SNCAIP: variants seen among roughly 807,000 people sequenced by gnomAD.
The protein encoded by SNCAIP is synphilin-1.
SNCAIP carries 43 observed loss-of-function variants against 86.7 expected under a neutral mutation model. The observed-to-expected ratio is 0.50, with a 90% CI of 0.39 to 0.64. The LOEUF (loss-of-function observed/expected upper bound fraction) is 0.64. Ranked by LOEUF, SNCAIP falls within the 30% of genes least tolerant of loss-of-function variation. SNCAIP has a pLI of 0.00. For synonymous variants in SNCAIP, 417 were observed against 427.2 expected, an observed-to-expected ratio of 0.98 and a Z score of 0.29; for missense variants, 981 against 1,103.1, an observed-to-expected ratio of 0.89 and a Z score of 1.57.
rs368537390 is a variant in SNCAIP at position 122,399,215 on chromosome 5, G to A, written c.58-4578G>A. Among the ~76,000 whole-genome samples the A allele has an allele frequency of 2.3e-3, 345 of 152,242 alleles. 7 individuals carry two copies. The South Asian group carries it at 0.066, about 29-fold the overall frequency. On this transcript the variant is annotated intron_variant, in intron 2 of 10. Coordinates refer to ENST00000261368, the MANE Select transcript of SNCAIP (RefSeq NM_005460.4). ...GAGGGAAGCTCTGAGGGCACACTTAGAAAACAGGATAAAGAGAAGAGACAG... is the reference window on the plus strand; with the variant it reads ...GAGGGAAGCTCTGAGGGCACACTTAAAAAACAGGATAAAGAGAAGAGACAG...
intron 1 of SNCAIP, among the ~76,000 whole-genome samples, chr5:122,350,537 T>G (rs1304518164): frequency 6.6e-6 from 1 of 151,804 alleles, no homozygotes; most frequent in Non-Finnish European, 1.5e-5. Context: ...TTTTAATCAA[T>G]GTTGATTACT....
At chr5:122,382,094 G>T (rs564249392) in intron 1 of SNCAIP, among the ~76,000 whole-genome samples, 59 of 152,218 alleles carry the variant, frequency 3.9e-4, no homozygotes, top group African/African-American at 1.3e-3. Context: ...GGCCTTTCTT[G>T]CTAGGTTGGG....
rs1171024990 is a variant in SNCAIP at position 122,423,143 on chromosome 5, C to T, written c.406C>T (p.Pro136Ser). ...VGGPPGKSSEPSTSLGELEHY... is the reference protein window; with the variant it reads ...VGGPPGKSSESSTSLGELEHY... The stretch of plus-strand genomic sequence containing the variant: ...CGGCCCACCAGGTAAGAGCTCTGAG[C>T]CCAGCACATCGCTGGGTGAACTGGA... The change falls in exon 4 of 11, where the codon CCC becomes TCC. Residue 136 changes from proline to serine, a missense_variant. Coordinates refer to ENST00000261368, the MANE Select transcript of SNCAIP (RefSeq NM_005460.4). 6.2e-7 allele frequency: 1 copy of T among 1,614,124 alleles called. No homozygotes were observed. The highest frequency in any genetic ancestry group is 8.5e-7 in the Non-Finnish European group (1 of 1,180,018).
chr5:122,445,539 G>A (rs6892517), intron 8 of SNCAIP, among the ~76,000 whole-genome samples: 29,958 of 151,746 alleles, frequency 0.2, 3,498 homozygotes, highest in South Asian at 0.32. Context: ...CCAGATTGGG[G>A]AGGGTTTCCT....
rs113278716 is a variant in SNCAIP, at chr5:122,347,605, T to C, written c.-47+35321T>C. Among the ~76,000 whole-genome samples the C allele has an allele frequency of 9.7e-3, 1,474 of 152,158 alleles. 7 individuals are homozygous for C. The highest frequency in any genetic ancestry group is 0.016 in the Non-Finnish European group (1,080 of 67,942). On this transcript the variant is annotated intron_variant, in intron 1 of 10. Coordinates refer to ENST00000261368, the MANE Select transcript of SNCAIP (RefSeq NM_005460.4). ...TCCACCTATGAGTAGATACCCTCAA[T>C]TGGAAAAAATATATATCCATATTGA...
intron 8 of SNCAIP, among the ~76,000 whole-genome samples, chr5:122,448,119 G>A (rs537586939): frequency 6.6e-6 from 1 of 152,302 alleles, no homozygotes; most frequent in African/African-American, 2.4e-5. Context: ...TCGTTGCTGA[G>A]TATATGCAGT....
At chr5:122,437,473 C>G (rs1432749904) in intron 6 of SNCAIP, 1 of 152,154 alleles carries the variant, frequency 6.6e-6, no homozygotes, top group Admixed American at 6.5e-5. Context: ...GAGTACTTCT[C>G]TGCATTGTAT....
intron 5 of SNCAIP, among the ~76,000 whole-genome samples, chr5:122,427,843 C>G (rs1052859494): frequency 6.6e-6 from 1 of 152,100 alleles, no homozygotes. Flanking sequence ...AAAGATTTAC[C>G]TGGGAACGGG....
Position 122,451,425 on chromosome 5 carries a change from C to T in SNCAIP, c.2578C>T (p.Pro860Ser), listed in dbSNP as rs752502051. The stretch of plus-strand genomic sequence containing the variant: ...CGAATCGGGGGATCAACTGAAAAGG[C>T]CTTTTGGAGCCTTTCGATCTATCAT... ...SNESGDQLKR[P>S]FGAFRSIMET... Residue 860 changes from proline (P) to serine (S), a missense_variant, in exon 10 of 11, where the codon CCT becomes TCT. Physicochemically the swap from Pro to Ser is moderately conservative, Grantham distance 74 (BLOSUM62 -1). Transcript: ENST00000261368. 1 of 1,614,046 alleles carries T rather than the reference C, an allele frequency of 6.2e-7. No homozygotes were observed. Among genetic ancestry groups the T allele is most frequent in the Non-Finnish European group, 8.5e-7 (1 of 1,180,008 alleles).
intron 1 of SNCAIP, among the ~76,000 whole-genome samples, chr5:122,369,311 G>A (rs903556934): frequency 1.3e-5 from 2 of 152,110 alleles, no homozygotes; most frequent in Admixed American, 6.5e-5. Flanking sequence ...ACCCAATGTC[G>A]CATAAAGTAA....
At position 122,423,429 on chromosome 5, in the gene SNCAIP, T is replaced by A. The variant is rs144291779; in HGVS notation, c.692T>A (p.Leu231Gln). The change falls in exon 4 of 11, where the codon CTG (leucine) becomes CAG (glutamine). Residue 231 changes from leucine (L) to glutamine (Q), a missense_variant. Leu to Gln is a moderately radical substitution (Grantham distance 113). Coordinates refer to ENST00000261368, the MANE Select transcript of SNCAIP (RefSeq NM_005460.4). ...GCTGTCATCCACGACCAGCACAAGC[T>A]GTCCACTGAAGAAACCGAGATCTCA... is the stretch of plus-strand genomic sequence containing the variant. ...ASAVIHDQHKLSTEETEISPP... is the reference protein window; with the variant it reads ...ASAVIHDQHKQSTEETEISPP... 1.2e-6 allele frequency: 2 copies of A among 1,613,772 alleles called. No homozygotes were observed. Among genetic ancestry groups the A allele is most frequent in the African/African-American group, 1.3e-5 (1 of 74,888 alleles).
chr5:122,343,191 A>C (rs920316300), intron 1 of SNCAIP, among the ~76,000 whole-genome samples: 2 of 152,212 alleles, frequency 1.3e-5, no homozygotes, highest in Non-Finnish European at 1.5e-5. Context: ...AGCTAAATCA[A>C]CTACCTCTTT....
At chr5:122,333,622 C>A (rs1195389056) in intron 1 of SNCAIP, among the ~76,000 whole-genome samples, 1 of 152,212 alleles carries the variant, frequency 6.6e-6, no homozygotes, top group East Asian at 1.9e-4. Context: ...CTTTCAAATT[C>A]AAGTTCATAT....
intron 1 of SNCAIP, among the ~76,000 whole-genome samples, chr5:122,387,136 C>T (rs189064716): frequency 7.9e-5 from 12 of 152,134 alleles, no homozygotes; most frequent in Non-Finnish European, 8.8e-5. Context: ...CAATAAAAAT[C>T]CTATATAAAG....
At chr5:122,391,046 G>A in intron 1 of SNCAIP, 43 bp from the exon 2 acceptor site, 1 of 1,054,176 alleles carries the variant, frequency 9.5e-7, no homozygotes, top group South Asian at 1.3e-5. Flanking sequence ...TTGTAAAACG[G>A]CTAAATTTTT....
chr5:122,335,411 A>G (rs919436109), intron 1 of SNCAIP, among the ~76,000 whole-genome samples: 8 of 152,216 alleles, frequency 5.3e-5, no homozygotes, highest in Admixed American at 4.6e-4. Flanking sequence ...AATCAAAAGT[A>G]TATATTTGTA....
rs75341688 is a variant in SNCAIP, at chr5:122,370,071, A to G, written c.-46-21018A>G. 18 of 152,294 alleles carry G rather than the reference A, an allele frequency of 1.2e-4. No individual in the cohort carries two copies. The East Asian group carries it at 3.5e-3, about 29-fold the overall frequency. The allele number at this position is 152,294 out of a possible 1,614,324, so 9.4% of individuals were successfully genotyped here. A position where few individuals can be genotyped will look rare whatever the true frequency, so the allele number is the denominator to read the frequency against. ...AAAATAGCTAGAAGAGAAAAATTGT[A>G]ATGTTCCCAACACTAAGAAAAATTA... On this transcript the variant is annotated intron_variant, in intron 1 of 10. Coordinates refer to ENST00000261368, the MANE Select transcript of SNCAIP (RefSeq NM_005460.4).
intron 1 of SNCAIP, among the ~76,000 whole-genome samples, chr5:122,365,408 G>A (rs1302658979): frequency 6.6e-6 from 1 of 152,218 alleles, no homozygotes; most frequent in African/African-American, 2.4e-5. Context: ...GCCAGGCGTG[G>A]TGGCTCACAC....
Position 122,463,485 on chromosome 5 carries a change from G to C in SNCAIP, c.2755-6G>C. On this transcript the variant is annotated splice_region_variant and splice_polypyrimidine_tract_variant and intron_variant, in intron 10 of 10. Coordinates refer to ENST00000261368, the MANE Select transcript of SNCAIP (RefSeq NM_005460.4). Reference sequence around the variant, plus strand: ...AATTTTGGCCTGTGGTTTCTCTTCTGCTTAGGCATAATGACATCAATAGAA... The same window carrying C: ...AATTTTGGCCTGTGGTTTCTCTTCTCCTTAGGCATAATGACATCAATAGAA... The C allele has an allele frequency of 1.3e-6, 2 of 1,575,914 alleles. No homozygotes were observed. Among genetic ancestry groups the C allele is most frequent in the South Asian group, 2.2e-5 (2 of 90,328 alleles).
Sources: gnomAD v4.1 joint callset for allele counts (sites outside exome capture counted in the v4.1 genomes callset) on GRCh38, gnomAD v4.1.1 for gene constraint, MANE v1.5 for transcripts, NCBI Gene and HGNC (gene_info 2026-07-23, HGNC 2026-07-21) for gene names.